Variants in MMS22L observed in about 807,000 individuals in gnomAD.
MMS22L encodes MMS22 like, DNA repair protein.
A neutral mutation model predicts 159.1 loss-of-function variants in MMS22L; 74 were observed. That is an observed-to-expected ratio of 0.47 (90% confidence interval 0.39 to 0.56). The LOEUF (loss-of-function observed/expected upper bound fraction) is 0.56. Among genes scored for constraint, MMS22L ranks in the 20% least tolerant of loss-of-function variants. The pLI is 0.00. For synonymous variants in MMS22L, 517 were observed against 506.9 expected (o/e 1.02, Z -0.27); for missense variants, 1,351 against 1,422.1 (o/e 0.95, Z 0.80).
chr6:97,219,942 A>G (rs926990020), intron 14 of MMS22L, among the ~76,000 whole-genome samples: 1 of 151,978 alleles, frequency 6.6e-6, no homozygotes, highest in African/African-American at 2.4e-5. Context: ...TTCTTTTTCT[A>G]TACTCTGCCA....
chr6:97,159,480 T>C (rs1802202710), intron 22 of MMS22L, among the ~76,000 whole-genome samples: 2 of 152,036 alleles, frequency 1.3e-5, no homozygotes, highest in East Asian at 1.9e-4. Context: ...TATTATATAA[T>C]ATCTACAAAT....
Position 97,144,228 on chromosome 6 carries a change from A to G in MMS22L, c.*2578T>C, listed in dbSNP as rs1329373193. On this transcript the variant is annotated 3_prime_UTR_variant, in exon 25 of 25. Coordinates refer to ENST00000683635, the MANE Select transcript of MMS22L (RefSeq NM_001350599.2). ...ACGACTGGGGACAGGAAAGAAGACCATGAAGGTGCTCTCAAGATACAGTGG... is the reference window on the plus strand; with the variant it reads ...ACGACTGGGGACAGGAAAGAAGACCGTGAAGGTGCTCTCAAGATACAGTGG... 3 of 152,212 alleles carry G rather than the reference A, an allele frequency of 2.0e-5. No homozygotes were observed. Among genetic ancestry groups the G allele is most frequent in the Non-Finnish European group, 4.4e-5 (3 of 68,120 alleles). 9.4% of individuals were successfully genotyped at this position (152,212 alleles called of 1,614,324 possible). A position where few individuals can be genotyped will look rare whatever the true frequency, so the allele number is the denominator to read the frequency against.
chr6:97,167,056 T>C (rs920701501), intron 20 of MMS22L, among the ~76,000 whole-genome samples: 19 of 152,270 alleles, frequency 1.2e-4, no homozygotes, highest in African/African-American at 4.3e-4. Context: ...GCTTCCCTTG[T>C]TGGACCTCAA....
chr6:97,237,486 T>C (rs1811542982), intron 11 of MMS22L, among the ~76,000 whole-genome samples: 1 of 152,220 alleles, frequency 6.6e-6, no homozygotes, highest in Non-Finnish European at 1.5e-5. Context: ...TTTACGCTTT[T>C]ATGGCACACT....
intron 11 of MMS22L, among the ~76,000 whole-genome samples, chr6:97,240,106 T>C (rs1199392746): frequency 6.6e-6 from 1 of 152,154 alleles, no homozygotes; most frequent in Admixed American, 6.5e-5. Context: ...GGAAAATAGA[T>C]ATAATCAAAC....
intron 2 of MMS22L, among the ~76,000 whole-genome samples, chr6:97,281,752 A>G (rs1816772504): frequency 6.6e-6 from 1 of 152,230 alleles, no homozygotes; most frequent in Non-Finnish European, 1.5e-5. Flanking sequence ...TGAGTATTCT[A>G]TTTAAGATTT....
In MMS22L at chr6:97,186,551, T is replaced by C. The variant is rs111757693; in HGVS notation, c.2179A>G (p.Ser727Gly). 1 of 1,613,008 alleles carries C rather than the reference T, an allele frequency of 6.2e-7. No individual in the cohort carries two copies. Among genetic ancestry groups the C allele is most frequent in the Non-Finnish European group, 8.5e-7 (1 of 1,179,558 alleles). ...LWRHFFSFLK[S>G]QRMSQVVPFS... ...GGCACTACCTGTGACATTCTCTGAC[T>C]CTTCAAAAATGAAAAGAAATGTCTC... The change falls in exon 15 of 25, where the codon AGT (serine) becomes GGT (glycine). Residue 727 changes from serine to glycine, a missense_variant. Ser to Gly is a moderately conservative substitution (Grantham distance 56). Coordinates refer to ENST00000683635, the MANE Select transcript of MMS22L (RefSeq NM_001350599.2).
At position 97,173,073 on chromosome 6, in the gene MMS22L, A is replaced by G. The variant is rs762001815; in HGVS notation, c.2829T>C (p.Tyr943=). 27 of 1,610,524 alleles carry G rather than the reference A, an allele frequency of 1.7e-5. No homozygotes were observed. Among genetic ancestry groups the G allele is most frequent in the African/African-American group, 8.0e-5 (6 of 74,638 alleles). ...GCCAGGAATACATACCCATCATTCC[A>G]TAAGTCAGCTGCAGCCCTGCACTGA... The part of the protein sequence containing the change: ...KVFSAGLQLT[Y]GMMGILVKSW... The change falls in exon 19 of 25, where the codon TAT becomes TAC. Residue 943 remains tyrosine, a synonymous_variant. Coordinates refer to ENST00000683635, the MANE Select transcript of MMS22L (RefSeq NM_001350599.2).
At chr6:97,152,728 C>T (rs951555193) in intron 22 of MMS22L, among the ~76,000 whole-genome samples, 2 of 151,406 alleles carry the variant, frequency 1.3e-5, no homozygotes, top group Non-Finnish European at 2.9e-5. Flanking sequence ...GCATCCTTGC[C>T]TTTTACTTGA....
At chr6:97,281,906 A>G (rs912953894) in intron 2 of MMS22L, among the ~76,000 whole-genome samples, 3 of 152,234 alleles carry the variant, frequency 2.0e-5, no homozygotes, top group Non-Finnish European at 2.9e-5. Context: ...ACACTTCTAT[A>G]TGTGCAGGTA....
At chr6:97,260,199 G>A (rs930455057) in intron 9 of MMS22L, 6 of 152,166 alleles carry the variant, frequency 3.9e-5, no homozygotes, top group South Asian at 4.1e-4. Flanking sequence ...CTTTCAATAC[G>A]TAGATTTAGA....
chr6:97,282,805 T>A (rs377638901), intron 1 of MMS22L, among the ~76,000 whole-genome samples: 1 of 152,098 alleles, frequency 6.6e-6, no homozygotes, highest in East Asian at 1.9e-4. Flanking sequence ...AGCAAAGAAA[T>A]GTCTGCAGGA....
intron 14 of MMS22L, among the ~76,000 whole-genome samples, chr6:97,223,087 T>A (rs1412038388): frequency 6.6e-6 from 1 of 152,112 alleles, no homozygotes; most frequent in Non-Finnish European, 1.5e-5. Context: ...CAATAAAGAA[T>A]GCTCTGGTGA....
rs1361295626 is a variant in MMS22L at position 97,144,167 on chromosome 6, G to C, written c.*2639C>G. The C allele has an allele frequency of 2.1e-5, 3 of 145,958 alleles. No homozygotes were observed. Among genetic ancestry groups the C allele is most frequent in the Admixed American group, 1.4e-4 (2 of 14,684 alleles). 9.0% of individuals were successfully genotyped at this position (145,958 alleles called of 1,614,324 possible). ...TGGAGTTATCAGTTCACCACTAACA[G>C]AATGTTGAGACAAAGCAGATGAAGG... is the stretch of plus-strand genomic sequence containing the variant. On this transcript the variant is annotated 3_prime_UTR_variant, in exon 25 of 25. Coordinates refer to ENST00000683635, the MANE Select transcript of MMS22L (RefSeq NM_001350599.2).
chr6:97,254,635 T>C lies in MMS22L; in HGVS notation c.1041A>G (p.Pro347=). 22 of 1,613,674 alleles carry C rather than the reference T, an allele frequency of 1.4e-5. No homozygotes were observed. Among genetic ancestry groups the C allele is most frequent in the Non-Finnish European group, 1.8e-5 (21 of 1,179,754 alleles). The change falls in exon 10 of 25, where the codon CCA becomes CCG. Residue 347 remains proline (P), a synonymous_variant. Transcript: ENST00000683635. ...SSMPVIQSRD[P]LGFSWWIITH... Reference sequence around the variant, plus strand: ...TAATAATCCACCAACTAAAACCTAATGGATCCCTGGACTGGATTACAGGCA... The same window carrying C: ...TAATAATCCACCAACTAAAACCTAACGGATCCCTGGACTGGATTACAGGCA...
intron 20 of MMS22L, among the ~76,000 whole-genome samples, chr6:97,166,354 C>T (rs1054901952): frequency 6.6e-6 from 1 of 152,044 alleles, no homozygotes; most frequent in African/African-American, 2.4e-5. Context: ...TGACTCACAA[C>T]GTATTTTCCA....
rs180954124 is a variant in MMS22L, at chr6:97,248,020, C to T, written c.1120-1330G>A. Among the ~76,000 whole-genome samples the T allele has an allele frequency of 3.3e-5, 5 of 152,264 alleles. No homozygotes were observed. The East Asian group carries it at 9.7e-4, about 29-fold the overall frequency. On this transcript the variant is annotated intron_variant, in intron 10 of 24. Coordinates refer to ENST00000683635, the MANE Select transcript of MMS22L (RefSeq NM_001350599.2). ...AGATGTCCCCCAGTGACCTTTGTCTCCTGGAATTTATGCTTTCTACAATTC... is the reference window on the plus strand; with the variant it reads ...AGATGTCCCCCAGTGACCTTTGTCTTCTGGAATTTATGCTTTCTACAATTC...
At chr6:97,174,514 G>C (rs1364626329) in intron 18 of MMS22L, among the ~76,000 whole-genome samples, 1 of 152,082 alleles carries the variant, frequency 6.6e-6, no homozygotes, top group East Asian at 1.9e-4. Context: ...TGAGAATGTT[G>C]GTAAGAGTAG....
At chr6:97,282,840 A>C (rs1582894099) in intron 1 of MMS22L, 1 of 170,660 alleles carries the variant, frequency 5.9e-6, no homozygotes, top group Non-Finnish European at 1.2e-5. Context: ...CTTGCCTAGA[A>C]CTGCGCCCTC....
Sources: gnomAD v4.1 joint callset for allele counts (sites outside exome capture counted in the v4.1 genomes callset) on GRCh38, gnomAD v4.1.1 for gene constraint, MANE v1.5 for transcripts, NCBI Gene and HGNC (gene_info 2026-07-23, HGNC 2026-07-21) for gene names.